Variants in LDLRAD4 observed in about 807,000 individuals in gnomAD.
LDLRAD4 encodes the protein low-density lipoprotein receptor class A domain-containing protein 4.
In LDLRAD4, 5 loss-of-function variants were observed where a neutral mutation model predicts 17.0. That is an observed-to-expected ratio of 0.29 (90% CI 0.15 to 0.62). The LOEUF is 0.62. LDLRAD4 is among the 20% of genes least tolerant of loss of function. LDLRAD4 has a pLI of 0.84. For synonymous variants in LDLRAD4, 168 were observed against 171.8 expected (o/e 0.98, Z 0.17); for missense variants, 340 against 424.7 (o/e 0.80, Z 1.75).
At chr18:13,378,884 G>A (rs570795134) in intron 1 of LDLRAD4, among the ~76,000 whole-genome samples, 173 of 152,322 alleles carry the variant, frequency 1.1e-3, no homozygotes, top group Non-Finnish European at 1.6e-3. Flanking sequence ...TGAATCTGAC[G>A]TTGTATCAGT....
At chr18:13,264,870 C>T (rs951536043) in intron 1 of LDLRAD4, among the ~76,000 whole-genome samples, 6 of 152,188 alleles carry the variant, frequency 3.9e-5, no homozygotes, top group African/African-American at 1.4e-4. Flanking sequence ...ACAGTCTTCC[C>T]GAACCTGGAG....
At chr18:13,243,738 C>A (rs1415154086) in intron 1 of LDLRAD4, among the ~76,000 whole-genome samples, 6 of 151,246 alleles carry the variant, frequency 4.0e-5, no homozygotes, top group African/African-American at 1.5e-4. Flanking sequence ...AGCGACCCAC[C>A]CATGCACCCG....
intron 3 of LDLRAD4, among the ~76,000 whole-genome samples, chr18:13,534,239 T>C (rs2094170330): frequency 4.6e-5 from 7 of 152,232 alleles, no homozygotes; most frequent in Admixed American, 4.6e-4. Flanking sequence ...TATCAACACT[T>C]TTTAAATTAA....
chr18:13,325,547 A>C (rs2081476480), intron 1 of LDLRAD4, among the ~76,000 whole-genome samples: 1 of 151,518 alleles, frequency 6.6e-6, no homozygotes, highest in Non-Finnish European at 1.5e-5. Context: ...TTTTGGGGCC[A>C]CTCCCTCTCC....
At chr18:13,619,356 A>T (rs1231711220) in intron 3 of LDLRAD4, among the ~76,000 whole-genome samples, 1 of 152,096 alleles carries the variant, frequency 6.6e-6, no homozygotes, top group Non-Finnish European at 1.5e-5. Flanking sequence ...TGTGAGCAGA[A>T]ATAAGGCCAC....
chr18:13,345,685 G>A (rs1234888142), intron 1 of LDLRAD4, among the ~76,000 whole-genome samples: 1 of 152,194 alleles, frequency 6.6e-6, no homozygotes, highest in Non-Finnish European at 1.5e-5. Context: ...ACCTCTGGTA[G>A]AATTCGGCTG....
intron 3 of LDLRAD4, among the ~76,000 whole-genome samples, chr18:13,454,172 A>C (rs1488179281): frequency 6.6e-6 from 1 of 152,252 alleles, no homozygotes; most frequent in Admixed American, 6.5e-5. Context: ...ATGCGCAAGC[A>C]GACTCAGTGT....
At chr18:13,229,306 T>G (rs2041956306) in intron 1 of LDLRAD4, among the ~76,000 whole-genome samples, 1 of 152,226 alleles carries the variant, frequency 6.6e-6, no homozygotes, top group Non-Finnish European at 1.5e-5. Context: ...CTGTGCAACC[T>G]GGGGAAGGTC....
At chr18:13,484,022 T>A in intron 3 of LDLRAD4, 1 of 152,450 alleles carries the variant, frequency 6.6e-6, no homozygotes, top group East Asian at 1.9e-4. Flanking sequence ...CTATGTTCTC[T>A]TTCCCTCCAT....
intron 1 of LDLRAD4, among the ~76,000 whole-genome samples, chr18:13,337,319 T>C (rs2082149696): frequency 6.6e-6 from 1 of 152,196 alleles, no homozygotes; most frequent in Non-Finnish European, 1.5e-5. Flanking sequence ...GATCTTTCAT[T>C]TCTCTGTGCT....
intron 3 of LDLRAD4, among the ~76,000 whole-genome samples, chr18:13,578,360 C>G (rs2094804289): frequency 6.6e-6 from 1 of 152,194 alleles, no homozygotes; most frequent in African/African-American, 2.4e-5. Flanking sequence ...TTCCCTAAAA[C>G]TAGATTGACT....
chr18:13,629,138 TTTTA>T (rs1433498650), intron 4 of LDLRAD4, among the ~76,000 whole-genome samples: 4 of 152,158 alleles, frequency 2.6e-5, no homozygotes, highest in Admixed American at 2.0e-4. Context: ...ACTGGGTTGT[TTTTA>T]TTTGTTTGTT....
At chr18:13,411,171 G>C (rs2088303820) in intron 2 of LDLRAD4, among the ~76,000 whole-genome samples, 1 of 151,806 alleles carries the variant, frequency 6.6e-6, no homozygotes, top group African/African-American at 2.4e-5. Context: ...AGGATCACCT[G>C]AGTCTGGGAG....
rs561380084 is a variant in LDLRAD4, at chr18:13,424,620, G to A, written c.41-13624G>A. Among the ~76,000 whole-genome samples, 4 of 152,304 alleles carry A rather than the reference G, an allele frequency of 2.6e-5. No homozygotes were observed. In the South Asian group the frequency reaches 8.3e-4, roughly 32 times the overall value. On this transcript the variant is annotated intron_variant, in intron 2 of 5. Transcript: ENST00000359446. ...TTGCCATGGGAACATGGAAGCGGTG[G>A]TACTCAGTTCCTGGATGGGGATGGG...
Position 13,254,294 on chromosome 18 carries a change from T to C in LDLRAD4, c.-466-23811T>C, listed in dbSNP as rs1016670231. On this transcript the variant is annotated intron_variant, in intron 1 of 5. Transcript: ENST00000399848. ...GAGGAGTGAGGGGCCCCAGGTGGAC[T>C]CAGGGTTTTCTTTTCTGAGGCTGAG... Among the ~76,000 whole-genome samples, 4 of 152,230 alleles carry C rather than the reference T, an allele frequency of 2.6e-5. No homozygotes were observed. The East Asian group carries it at 7.7e-4, about 29-fold the overall frequency.
At chr18:13,540,591 G>A (rs372924525) in intron 3 of LDLRAD4, among the ~76,000 whole-genome samples, 19 of 152,304 alleles carry the variant, frequency 1.2e-4, no homozygotes, top group African/African-American at 4.6e-4. Context: ...AGAGAGTTCC[G>A]TGGGGGTTCG....
intron 1 of LDLRAD4, among the ~76,000 whole-genome samples, chr18:13,353,717 A>G (rs139957485): frequency 1.6e-4 from 25 of 152,344 alleles, no homozygotes; most frequent in Non-Finnish European, 3.5e-4. Context: ...GAGGGAGGGA[A>G]TTGGAAGCTT....
Position 13,512,058 on chromosome 18 carries a change from G to A in LDLRAD4, c.181+73674G>A, listed in dbSNP as rs889253059. ...TAACAAGGAGCGCTTGCGTTGCTCC[G>A]TTTATCTAAATCAGGTTGGAAGGCA... On this transcript the variant is annotated intron_variant, in intron 3 of 5. Coordinates refer to ENST00000359446, the Ensembl canonical transcript of LDLRAD4. Among the ~76,000 whole-genome samples, 7 of 152,180 alleles carry A rather than the reference G, an allele frequency of 4.6e-5. No individual in the cohort carries two copies. In the East Asian group the frequency reaches 7.7e-4, roughly 17 times the overall value.
Position 13,627,070 on chromosome 18 carries a change from G to C in LDLRAD4, c.336+5799G>C, listed in dbSNP as rs150545878. ...AGATCACTTGAGGTCAGGAGTTTGA[G>C]ACCAGCCCAGCCAACATGGTGAAAC... On this transcript the variant is annotated intron_variant, in intron 4 of 5. Coordinates refer to ENST00000359446, the Ensembl canonical transcript of LDLRAD4. Among the ~76,000 whole-genome samples the C allele has an allele frequency of 9.6e-3, 1,466 of 152,296 alleles. 8 individuals carry two copies. The highest frequency in any genetic ancestry group is 0.027 in the Middle Eastern group (8 of 294).
Sources: allele counts gnomAD v4.1 joint callset (sites outside exome capture counted in the v4.1 genomes callset), GRCh38; gene constraint gnomAD v4.1.1; transcripts MANE v1.5; gene names NCBI Gene and HGNC (gene_info 2026-07-23, HGNC 2026-07-21).